Variants in EPHA3 observed in about 807,000 individuals in gnomAD.
The protein encoded by EPHA3 is ephrin type-A receptor 3.
Under a neutral mutation model 107.1 loss-of-function variants are expected in EPHA3, and 42 were observed. The observed-to-expected ratio is 0.39, with a 90% CI of 0.31 to 0.51. The LOEUF (loss-of-function observed/expected upper bound fraction) is 0.51, where lower values mean the gene tolerates loss of function less well. Among genes scored for constraint, EPHA3 ranks in the 20% least tolerant of loss-of-function variants. EPHA3 has a pLI of 0.78. For synonymous variants in EPHA3, 461 were observed against 424.8 expected, an observed-to-expected ratio of 1.09 and a Z score of -1.05; for missense variants, 1,183 against 1,211.2, an observed-to-expected ratio of 0.98 and a Z score of 0.35.
intron 5 of EPHA3, among the ~76,000 whole-genome samples, chr3:89,367,149 C>T (rs1708201059): frequency 6.6e-6 from 1 of 150,854 alleles, no homozygotes; most frequent in African/African-American, 2.4e-5. Flanking sequence ...TGTTTAAAGA[C>T]TACCTGCCAA....
At chr3:89,399,964 G>A (rs1708925179) in intron 7 of EPHA3, 1 of 1,046,778 alleles carries the variant, frequency 9.6e-7, no homozygotes, top group Non-Finnish European at 1.2e-6. Flanking sequence ...TTCACATTCA[G>A]AAGTAATTTG....
intron 11 of EPHA3, among the ~76,000 whole-genome samples, chr3:89,425,823 C>G (rs1189543003): frequency 6.6e-6 from 1 of 151,442 alleles, no homozygotes; most frequent in South Asian, 2.1e-4. Context: ...ATCTGGAATT[C>G]TTAGACATTT....
intron 7 of EPHA3, among the ~76,000 whole-genome samples, chr3:89,402,968 G>A (rs1007930558): frequency 7.9e-5 from 12 of 152,096 alleles, no homozygotes; most frequent in Middle Eastern, 3.2e-3. Flanking sequence ...GTGAGCCACC[G>A]TGCCCAGCCG....
chr3:89,439,723 G>GCACACACA (rs59868005), intron 13 of EPHA3, among the ~76,000 whole-genome samples: 1 of 133,222 alleles, frequency 7.5e-6, no homozygotes, highest in Non-Finnish European at 1.7e-5. Flanking sequence ...TCATATTAAG[G>GCACACACA]CACACACACA....
At position 89,408,132 on chromosome 3, in the gene EPHA3, G is replaced by GT; in HGVS notation, c.1762+2dup. 6.2e-7 allele frequency: 1 copy of GT among 1,612,482 alleles called. No homozygotes were observed. Among genetic ancestry groups the GT allele is most frequent in the East Asian group, 2.2e-5 (1 of 44,806 alleles). On this transcript the variant is annotated splice_donor_variant, in intron 9 of 16. Transcript: ENST00000336596. LOFTEE classifies it high-confidence loss of function. ...AGACTTCATTTTGGCAATGGGCATT[G>GT]TAAGTTTCTAAACTTGGCTTTTTGT... is the stretch of plus-strand genomic sequence containing the variant.
intron 3 of EPHA3, among the ~76,000 whole-genome samples, chr3:89,289,027 T>G (rs1325556226): frequency 6.6e-6 from 1 of 152,162 alleles, no homozygotes; most frequent in Non-Finnish European, 1.5e-5. Context: ...ATGTGTCAAA[T>G]TTCTATGTCT....
chr3:89,457,687 A>C (rs1449578550), intron 15 of EPHA3, among the ~76,000 whole-genome samples: 1 of 152,148 alleles, frequency 6.6e-6, no homozygotes, highest in Non-Finnish European at 1.5e-5. Context: ...TTTTATCCAT[A>C]AGGAAAGGGG....
At chr3:89,438,512 A>T (rs1174477035) in intron 13 of EPHA3, among the ~76,000 whole-genome samples, 1 of 152,188 alleles carries the variant, frequency 6.6e-6, no homozygotes, top group Non-Finnish European at 1.5e-5. Flanking sequence ...ACTCCAATCT[A>T]AGAACATAAA....
intron 2 of EPHA3, among the ~76,000 whole-genome samples, chr3:89,163,888 C>T (rs951709063): frequency 1.3e-5 from 2 of 152,128 alleles, no homozygotes; most frequent in African/African-American, 4.8e-5. Context: ...TAAAACTGGT[C>T]TGGTGGTTTA....
chr3:89,361,251 C>G (rs1410488163), intron 5 of EPHA3, among the ~76,000 whole-genome samples: 1 of 150,944 alleles, frequency 6.6e-6, no homozygotes, highest in African/African-American at 2.4e-5. Context: ...CTATGAATTC[C>G]TAATCTATAC....
chr3:89,230,058 G>A (rs1216113657), intron 3 of EPHA3, among the ~76,000 whole-genome samples: 1 of 152,060 alleles, frequency 6.6e-6, no homozygotes, highest in South Asian at 2.1e-4. Context: ...ATTTTAGAGT[G>A]TATATGAGTA....
In EPHA3 at chr3:89,171,724, T is replaced by C. The variant is rs2107098564; in HGVS notation, c.154-38136T>C. Reference sequence around the variant, plus strand: ...CTAATCACGGGGAAAAAAAATATGATATCATCCCAAAGGAGGCAGTTGAAC... The same window carrying C: ...CTAATCACGGGGAAAAAAAATATGACATCATCCCAAAGGAGGCAGTTGAAC... On this transcript the variant is annotated intron_variant, in intron 2 of 16. Transcript: ENST00000336596. 4.6e-5 allele frequency among the ~76,000 whole-genome samples: 7 copies of C among 152,292 alleles called. 1 individual carries two copies. The South Asian group carries it at 1.4e-3, about 32-fold the overall frequency.
chr3:89,271,121 T>C (rs2107297897), intron 3 of EPHA3, among the ~76,000 whole-genome samples: 1 of 152,184 alleles, frequency 6.6e-6, no homozygotes, highest in Middle Eastern at 3.4e-3. Flanking sequence ...TTGTTATATG[T>C]TCTGCTTCAG....
chr3:89,337,179 AT>A (rs532135932), intron 3 of EPHA3, among the ~76,000 whole-genome samples: 2 of 152,338 alleles, frequency 1.3e-5, no homozygotes, highest in African/African-American at 4.8e-5. Flanking sequence ...AAGTCTTGCA[AT>A]TTTTAATTAA....
At chr3:89,403,791 T>C (rs1413917863) in intron 7 of EPHA3, among the ~76,000 whole-genome samples, 7 of 152,148 alleles carry the variant, frequency 4.6e-5, no homozygotes, top group Non-Finnish European at 1.0e-4. Flanking sequence ...CGTGTCTCAG[T>C]TTTTCTATCT....
chr3:89,305,250 T>C (rs1358928886), intron 3 of EPHA3, among the ~76,000 whole-genome samples: 1 of 152,184 alleles, frequency 6.6e-6, no homozygotes, highest in East Asian at 1.9e-4. Context: ...AGTTTTATAC[T>C]TTTCAACATG....
At chr3:89,298,226 C>T (rs1706406511) in intron 3 of EPHA3, among the ~76,000 whole-genome samples, 1 of 152,108 alleles carries the variant, frequency 6.6e-6, no homozygotes, top group Admixed American at 6.6e-5. Context: ...TTGATTGGCA[C>T]TCTGCTAAAA....
At chr3:89,374,686 C>G (rs1708368813) in intron 5 of EPHA3, among the ~76,000 whole-genome samples, 1 of 151,610 alleles carries the variant, frequency 6.6e-6, no homozygotes, top group Admixed American at 6.6e-5. Flanking sequence ...ATTAGGATGT[C>G]TGCTGCTTGT....
chr3:89,230,381 G>T (rs144126462), intron 3 of EPHA3, among the ~76,000 whole-genome samples: 8 of 152,192 alleles, frequency 5.3e-5, no homozygotes, highest in African/African-American at 1.9e-4. Context: ...GTATTGGAAT[G>T]CAAGAGTGCA....
Sources: allele counts gnomAD v4.1 joint callset (sites outside exome capture counted in the v4.1 genomes callset), GRCh38; gene constraint gnomAD v4.1.1; transcripts MANE v1.5; gene names NCBI Gene and HGNC (gene_info 2026-07-23, HGNC 2026-07-21).